The following PCDHA5 variants were observed in gnomAD, a reference collection of about 807,000 sequenced individuals.
PCDHA5 encodes the protein protocadherin alpha 5.
A neutral mutation model predicts 61.6 loss-of-function variants in PCDHA5; 43 were observed. That is an observed-to-expected ratio of 0.70 (90% CI 0.55 to 0.90). PCDHA5 has a LOEUF of 0.90. PCDHA5 is among the 40% of genes least tolerant of loss of function. The pLI is 0.00. For missense variants in PCDHA5, 1,298 were observed against 1,222.7 expected (o/e 1.06, Z -0.92); for synonymous variants, 627 against 543.9 (o/e 1.15, Z -2.13).
rs2150329529 is a variant in PCDHA5, at chr5:140,842,109, A to G, written c.2352+17982A>G. 642 of 1,613,342 alleles carry G rather than the reference A, an allele frequency of 4.0e-4. 8 individuals are homozygous for G. Among genetic ancestry groups the G allele is most frequent in the South Asian group, 3.7e-3 (331 of 90,644 alleles). On this transcript the variant is annotated intron_variant, in intron 1 of 3. Transcript: ENST00000529859. ...GCAGACAACGGAACAACAGTTATCA[A>G]ACTGAATGCTTCTGATCCGGATGAA...
intron 1 of PCDHA5, among the ~76,000 whole-genome samples, chr5:140,846,373 C>CTTTTTTTTTTTTTTTTTTTTTTTTTTTT (rs374699051): frequency 3.6e-5 from 2 of 55,152 alleles, no homozygotes; most frequent in Non-Finnish European, 8.2e-5. Flanking sequence ...TTCTTTCTTT[C>CTTTTTTTTTTTTTTTTTTTTTTTTTTTT]TTTTTTTTTT....
At chr5:140,960,476 A>G (rs900807612) in intron 1 of PCDHA5, among the ~76,000 whole-genome samples, 3 of 152,178 alleles carry the variant, frequency 2.0e-5, no homozygotes, top group South Asian at 2.1e-4. Context: ...TCCTTCTTAC[A>G]CAGAGGTGTA....
intron 1 of PCDHA5, chr5:140,882,683 C>G (rs1554175163): frequency 6.2e-7 from 1 of 1,614,148 alleles, no homozygotes; most frequent in Non-Finnish European, 8.5e-7. Flanking sequence ...AAGCAAGAAA[C>G]GAATAATCAT....
At chr5:140,964,941 G>A (rs1223587543) in intron 1 of PCDHA5, among the ~76,000 whole-genome samples, 1 of 152,242 alleles carries the variant, frequency 6.6e-6, no homozygotes, top group African/African-American at 2.4e-5. Context: ...AGCATTGATA[G>A]TGAGTGTGCT....
chr5:140,929,174 G>C, intron 1 of PCDHA5: 1 of 1,614,140 alleles, frequency 6.2e-7, no homozygotes, highest in South Asian at 1.1e-5. Flanking sequence ...GCCTCTCTGG[G>C]ACTTGGTTCT....
chr5:140,836,492 C>T lies in PCDHA5; in HGVS notation c.2352+12365C>T, dbSNP rs2150262015. On this transcript the variant is annotated intron_variant, in intron 1 of 3. Coordinates refer to ENST00000529859, the MANE Select transcript of PCDHA5 (RefSeq NM_018908.3). ...ATGTCAACGTGTACCTGATCATCGC[C>T]ATCTGCGCGGTGTCCAGTCTGTTGG... 13 of 1,613,758 alleles carry T rather than the reference C, an allele frequency of 8.1e-6. No individual in the cohort carries two copies. The South Asian group carries it at 8.8e-5, about 11-fold the overall frequency.
intron 1 of PCDHA5, among the ~76,000 whole-genome samples, chr5:140,943,453 G>T (rs545980639): frequency 3.3e-4 from 50 of 152,158 alleles, no homozygotes; most frequent in Admixed American, 2.6e-4. Context: ...GAATTGATAA[G>T]GCTAAATGTG....
intron 1 of PCDHA5, among the ~76,000 whole-genome samples, chr5:140,953,511 G>A (rs1243901831): frequency 1.3e-5 from 2 of 152,114 alleles, no homozygotes; most frequent in Non-Finnish European, 2.9e-5. Flanking sequence ...TTAGGCCAAA[G>A]CAACAAAAAC....
chr5:140,851,317 G>C, intron 1 of PCDHA5: 1 of 992,602 alleles, frequency 1.0e-6, no homozygotes, highest in Non-Finnish European at 1.2e-6. Flanking sequence ...TTGTTACCTT[G>C]TTAAGTTTGT....
At chr5:141,008,528 G>C (rs1343778561) in intron 3 of PCDHA5, among the ~76,000 whole-genome samples, 5 of 152,070 alleles carry the variant, frequency 3.3e-5, no homozygotes, top group African/African-American at 9.7e-5. Flanking sequence ...AGACTCTTGG[G>C]AATGTCTTTT....
At chr5:140,968,396 G>A (rs1181874720) in intron 1 of PCDHA5, 1 of 1,613,890 alleles carries the variant, frequency 6.2e-7, no homozygotes, top group Non-Finnish European at 8.5e-7. Flanking sequence ...GAAGTTTCGG[G>A]AGTTCTTTGT....
rs2150214360 is a variant in PCDHA5, at chr5:140,834,230, C to A, written c.2352+10103C>A. On this transcript the variant is annotated intron_variant, in intron 1 of 3. Coordinates refer to ENST00000529859, the MANE Select transcript of PCDHA5 (RefSeq NM_018908.3). Reference sequence around the variant, plus strand: ...TCTTTCGTAATCAGCAAAAGGAAGTCATTCCTTTTCGCACTGGAAAGACGC... The same window carrying A: ...TCTTTCGTAATCAGCAAAAGGAAGTAATTCCTTTTCGCACTGGAAAGACGC... 11 of 727,690 alleles carry A rather than the reference C, an allele frequency of 1.5e-5. No individual in the cohort carries two copies. In the African/African-American group the frequency reaches 1.8e-4, roughly 12 times the overall value. The allele number at this position is 727,690 out of a possible 1,614,324, so 45.1% of individuals were successfully genotyped here. A position where few individuals can be genotyped will look rare whatever the true frequency, so the allele number is the denominator to read the frequency against.
intron 1 of PCDHA5, among the ~76,000 whole-genome samples, chr5:140,917,584 A>T (rs2153544569): frequency 6.6e-6 from 1 of 152,336 alleles, no homozygotes; most frequent in South Asian, 2.1e-4. Context: ...ATTTTTGTTC[A>T]TGCTGAAAGG....
At chr5:140,843,130 C>T (rs2150353538) in intron 1 of PCDHA5, 5 of 1,596,012 alleles carry the variant, frequency 3.1e-6, no homozygotes, top group Non-Finnish European at 4.3e-6. Flanking sequence ...ACTCGGGCTA[C>T]AACGCGTGGC....
intron 1 of PCDHA5, among the ~76,000 whole-genome samples, chr5:140,891,837 G>T (rs563744812): frequency 2.9e-4 from 44 of 152,264 alleles, no homozygotes; most frequent in Admixed American, 1.9e-3. Flanking sequence ...AAAAGGACTT[G>T]ATGGAAGGAG....
In PCDHA5 at chr5:140,823,966, TGCACACGGG is replaced by T; in HGVS notation, c.2195_2203del (p.Thr732_Gly734del). 1 of 1,613,942 alleles carries T rather than the reference TGCACACGGG, an allele frequency of 6.2e-7. No individual in the cohort carries two copies. The highest frequency in any genetic ancestry group is 8.5e-7 in the Non-Finnish European group (1 of 1,179,978). Reference sequence around the variant, plus strand: ...CTCGGCGCAGCCCACCGAGGCCGTGTGCACACGGGGCAAGCCCACTCTGTTGTGCTCCAG... The same window carrying T: ...CTCGGCGCAGCCCACCGAGGCCGTGTGCAAGCCCACTCTGTTGTGCTCCAG... On this transcript the variant is annotated inframe_deletion, in exon 1 of 4. Coordinates refer to ENST00000529859, the MANE Select transcript of PCDHA5 (RefSeq NM_018908.3).
rs1024369617 is a variant in PCDHA5 at position 140,837,461 on chromosome 5, C to G, written c.2352+13334C>G. On this transcript the variant is annotated intron_variant, in intron 1 of 3. Transcript: ENST00000529859. ...TAGTACGTAGTAAAAAATCTCCTTG[C>G]CTCCTCAAACCCCAAACCATTTACT... 4.6e-5 allele frequency among the ~76,000 whole-genome samples: 7 copies of G among 151,760 alleles called. 1 individual carries two copies. The highest frequency in any genetic ancestry group is 1.0e-4 in the Non-Finnish European group (7 of 67,946).
intron 1 of PCDHA5, among the ~76,000 whole-genome samples, chr5:140,878,873 T>A (rs1267188729): frequency 1.3e-5 from 2 of 152,248 alleles, no homozygotes; most frequent in African/African-American, 2.4e-5. Flanking sequence ...CATTTCAGCC[T>A]TTCAAGTAGC....
intron 1 of PCDHA5, among the ~76,000 whole-genome samples, chr5:140,888,393 C>T (rs1554183447): frequency 1.3e-5 from 2 of 152,156 alleles, no homozygotes; most frequent in African/African-American, 4.8e-5. Context: ...CTGCTAAACA[C>T]CATCCAATTG....
Sources: allele counts gnomAD v4.1 joint callset (sites outside exome capture counted in the v4.1 genomes callset), GRCh38; gene constraint gnomAD v4.1.1; transcripts MANE v1.5; gene names NCBI Gene and HGNC (gene_info 2026-07-23, HGNC 2026-07-21).